The following CTNND2 variants were observed in gnomAD, a reference collection of about 807,000 sequenced individuals.
The protein encoded by CTNND2 is catenin delta-2.
A neutral mutation model predicts 144.4 loss-of-function variants in CTNND2; 22 were observed. The observed-to-expected ratio is 0.15, with a 90% CI of 0.11 to 0.22. The LOEUF (loss-of-function observed/expected upper bound fraction) is 0.22, where lower values mean the gene tolerates loss of function less well. Ranked by LOEUF, CTNND2 falls within the 10% of genes least tolerant of loss-of-function variation. The pLI, the probability that CTNND2 is intolerant of heterozygous loss-of-function variation, is 1.00. For missense variants in CTNND2, 1,353 were observed against 1,618.8 expected (o/e 0.84, Z 2.82); for synonymous variants, 751 against 695.6 (o/e 1.08, Z -1.25).
At chr5:11,479,538 T>C (rs1428251072) in intron 3 of CTNND2, among the ~76,000 whole-genome samples, 1 of 152,196 alleles carries the variant, frequency 6.6e-6, no homozygotes, top group African/African-American at 2.4e-5. Context: ...CTGCGTCCAA[T>C]GGTAGTTCTA....
In CTNND2 at chr5:11,240,089, T is replaced by C. The variant is rs183685406; in HGVS notation, c.1629-3266A>G. ...GTGACTCTCAGAAGAGCAAGAGTCA[T>C]TCCTAGATTAGCCACACAACACACA... On this transcript the variant is annotated intron_variant, in intron 9 of 21. Coordinates refer to ENST00000304623, the MANE Select transcript of CTNND2 (RefSeq NM_001332.4). Among the ~76,000 whole-genome samples the C allele has an allele frequency of 2.1e-4, 32 of 151,372 alleles. No individual in the cohort carries two copies. In the East Asian group the frequency reaches 5.8e-3, roughly 28 times the overall value.
At chr5:11,068,596 T>C (rs932227789) in intron 16 of CTNND2, among the ~76,000 whole-genome samples, 21 of 152,218 alleles carry the variant, frequency 1.4e-4, no homozygotes, top group African/African-American at 5.1e-4. Flanking sequence ...GACTTCAACC[T>C]ATTATGCATT....
chr5:10,983,594 C>A (rs1737568383), intron 20 of CTNND2, among the ~76,000 whole-genome samples: 1 of 152,182 alleles, frequency 6.6e-6, no homozygotes. Flanking sequence ...ATTCTGTTAT[C>A]CTCTCTGGTT....
At chr5:11,890,512 C>T (rs1370197199) in intron 1 of CTNND2, among the ~76,000 whole-genome samples, 1 of 152,194 alleles carries the variant, frequency 6.6e-6, no homozygotes, top group Non-Finnish European at 1.5e-5. Context: ...GTCTTGTCTT[C>T]TCATTTCAAC....
chr5:11,648,640 CTATT>C (rs545080608), intron 2 of CTNND2, among the ~76,000 whole-genome samples: 26 of 152,196 alleles, frequency 1.7e-4, no homozygotes, highest in Middle Eastern at 3.4e-3. Flanking sequence ...TATCTTAGCA[CTATT>C]TATTTAATTC....
At chr5:11,072,791 C>T (rs1427905575) in intron 16 of CTNND2, among the ~76,000 whole-genome samples, 1 of 152,240 alleles carries the variant, frequency 6.6e-6, no homozygotes, top group Non-Finnish European at 1.5e-5. Flanking sequence ...GACACTGGGA[C>T]ACTGGCGGGG....
intron 16 of CTNND2, among the ~76,000 whole-genome samples, chr5:11,065,527 T>C (rs963620627): frequency 6.6e-6 from 1 of 152,138 alleles, no homozygotes; most frequent in African/African-American, 2.4e-5. Flanking sequence ...AGAAAAAAAA[T>C]ACTCCCTTTT....
chr5:11,744,694 T>TGTGC (rs1554114055), intron 1 of CTNND2, among the ~76,000 whole-genome samples: 14 of 106,544 alleles, frequency 1.3e-4, no homozygotes, highest in South Asian at 9.6e-4. Context: ...TTTGTGTGTG[T>TGTGC]GCGTGTGTGT....
chr5:11,231,496 G>A (rs1741015694), intron 10 of CTNND2, among the ~76,000 whole-genome samples: 1 of 152,190 alleles, frequency 6.6e-6, no homozygotes, highest in African/African-American at 2.4e-5. Flanking sequence ...CTTGGGAACT[G>A]GAGCAAAGAT....
chr5:11,560,322 T>G (rs935133878), intron 3 of CTNND2, among the ~76,000 whole-genome samples: 1 of 152,196 alleles, frequency 6.6e-6, no homozygotes, highest in Non-Finnish European at 1.5e-5. Flanking sequence ...TCCTCATAAT[T>G]GTTGCTATTG....
At chr5:11,346,186 G>A (rs1415849545) in intron 9 of CTNND2, among the ~76,000 whole-genome samples, 186 bp downstream of exon 9, 1 of 152,052 alleles carries the variant, frequency 6.6e-6, no homozygotes, top group South Asian at 2.1e-4. Flanking sequence ...TTTTGGTGAT[G>A]AACCACCAAA....
intron 2 of CTNND2, among the ~76,000 whole-genome samples, chr5:11,578,704 T>TAAATA (rs1778163712): frequency 6.8e-6 from 1 of 147,910 alleles, no homozygotes; most frequent in African/African-American, 2.5e-5. Flanking sequence ...AATAAATAAA[T>TAAATA]AGAGTAGTGA....
chr5:11,191,859 G>A (rs767362041), intron 11 of CTNND2, among the ~76,000 whole-genome samples: 2 of 152,172 alleles, frequency 1.3e-5, no homozygotes, highest in Non-Finnish European at 2.9e-5. Flanking sequence ...GTCCCCATGA[G>A]TGGCAGCTGG....
intron 2 of CTNND2, among the ~76,000 whole-genome samples, chr5:11,636,646 C>T (rs1345953744): frequency 6.6e-6 from 1 of 152,092 alleles, no homozygotes. Context: ...TCAGGTATTG[C>T]TGTTAATCAA....
At chr5:11,751,489 G>T (rs4406134) in intron 1 of CTNND2, among the ~76,000 whole-genome samples, 128,480 of 151,740 alleles carry the variant, frequency 0.85, 57,245 homozygotes, top group Non-Finnish European at 0.98. Context: ...ATGAGGGTTG[G>T]TTTTCTGTTC....
At chr5:11,485,605 T>C (rs943470915) in intron 3 of CTNND2, among the ~76,000 whole-genome samples, 9 of 152,150 alleles carry the variant, frequency 5.9e-5, no homozygotes, top group African/African-American at 1.9e-4. Flanking sequence ...GATAAACTCA[T>C]AGGCATATGA....
intron 10 of CTNND2, among the ~76,000 whole-genome samples, chr5:11,213,981 A>C (rs1262581990): frequency 6.6e-6 from 1 of 152,152 alleles, no homozygotes; most frequent in Non-Finnish European, 1.5e-5. Flanking sequence ...TTTTATTCCA[A>C]TTTAAAGCTT....
intron 2 of CTNND2, among the ~76,000 whole-genome samples, chr5:11,597,152 T>C (rs527867526): frequency 1.3e-5 from 2 of 152,310 alleles, no homozygotes; most frequent in South Asian, 2.1e-4. Context: ...AAACAGCACA[T>C]TGTTCTTCTA....
chr5:11,160,651 C>T (rs1013376446), intron 11 of CTNND2, among the ~76,000 whole-genome samples: 1 of 152,036 alleles, frequency 6.6e-6, no homozygotes. Flanking sequence ...TGAAAGAAAG[C>T]CTGTATACAC....
Sources: allele counts gnomAD v4.1 joint callset (sites outside exome capture counted in the v4.1 genomes callset), GRCh38; gene constraint gnomAD v4.1.1; transcripts MANE v1.5; gene names NCBI Gene and HGNC (gene_info 2026-07-23, HGNC 2026-07-21).